SKAP2: variants seen among roughly 807,000 people sequenced by gnomAD.
SKAP2 encodes src kinase associated phosphoprotein 2.
In SKAP2, 28 loss-of-function variants were observed where a neutral mutation model predicts 54.9. That is an observed-to-expected ratio of 0.51 (90% CI 0.38 to 0.70). The LOEUF (loss-of-function observed/expected upper bound fraction) is 0.70. Among genes scored for constraint, SKAP2 ranks in the 30% least tolerant of loss-of-function variants. The pLI is 0.00. For missense variants in SKAP2, 356 were observed against 424.1 expected (o/e 0.84, Z 1.41); for synonymous variants, 137 against 134.3 (o/e 1.02, Z -0.14).
chr7:26,762,985 G>C (rs1782965555), intron 4 of SKAP2, among the ~76,000 whole-genome samples: 2 of 152,116 alleles, frequency 1.3e-5, no homozygotes, highest in South Asian at 4.1e-4. Flanking sequence ...GAACAAACTT[G>C]CTAGTCAGGC....
At chr7:26,790,286 A>C (rs1333353558) in intron 4 of SKAP2, among the ~76,000 whole-genome samples, 6 of 152,230 alleles carry the variant, frequency 3.9e-5, no homozygotes, top group African/African-American at 1.4e-4. Flanking sequence ...TTGCTGACCT[A>C]GCAGTGAACT....
intron 4 of SKAP2, among the ~76,000 whole-genome samples, chr7:26,751,492 T>C (rs1246900234): frequency 6.6e-6 from 1 of 152,190 alleles, no homozygotes; most frequent in East Asian, 1.9e-4. Flanking sequence ...GTAAATAGTA[T>C]ACCTGTTTCT....
At chr7:26,765,390 T>G (rs1030111117) in intron 4 of SKAP2, among the ~76,000 whole-genome samples, 1 of 152,156 alleles carries the variant, frequency 6.6e-6, no homozygotes, top group Non-Finnish European at 1.5e-5. Context: ...TCAGATGGAT[T>G]GCAAAAATTT....
intron 4 of SKAP2, among the ~76,000 whole-genome samples, chr7:26,789,703 T>C (rs554270832): frequency 6.6e-6 from 1 of 152,338 alleles, no homozygotes; most frequent in East Asian, 1.9e-4. Context: ...TCAGCAGGCA[T>C]GCTCCTGTAG....
intron 4 of SKAP2, among the ~76,000 whole-genome samples, chr7:26,797,724 T>C (rs1783813281): frequency 6.6e-6 from 1 of 152,090 alleles, no homozygotes; most frequent in South Asian, 2.1e-4. Context: ...TTATGTGACC[T>C]TTCAGACAGA....
intron 8 of SKAP2, 85 bp from the exon 9 acceptor site, chr7:26,725,650 A>G: frequency 1.6e-6 from 2 of 1,234,954 alleles, no homozygotes; most frequent in Non-Finnish European, 2.2e-6. Flanking sequence ...ATGCAGCCCT[A>G]CAAAGCAACA....
At chr7:26,813,814 G>A (rs1416228343) in intron 4 of SKAP2, among the ~76,000 whole-genome samples, 1 of 152,208 alleles carries the variant, frequency 6.6e-6, no homozygotes, top group Non-Finnish European at 1.5e-5. Flanking sequence ...TTTCTTCACA[G>A]AGGTTATTTT....
At chr7:26,665,240 A>G (rs2128082039), downstream of SKAP2, among the ~76,000 whole-genome samples, 1 of 152,320 alleles carries the variant, frequency 6.6e-6, no homozygotes, top group South Asian at 2.1e-4. Context: ...ACTTGCCCCA[A>G]GCTGCCCGAG....
At chr7:26,703,742 C>G (rs930181044) in intron 9 of SKAP2, among the ~76,000 whole-genome samples, 3 of 152,176 alleles carry the variant, frequency 2.0e-5, no homozygotes, top group Non-Finnish European at 4.4e-5. Context: ...AATCTGTTTA[C>G]TGTGTACTAA....
intron 4 of SKAP2, among the ~76,000 whole-genome samples, chr7:26,833,238 A>C (rs1436766079): frequency 1.1e-5 from 1 of 93,958 alleles, no homozygotes; most frequent in East Asian, 2.4e-4. Context: ...CTAAAAACAC[A>C]AAAAAAAATT....
At chr7:26,736,712 T>A (rs1009074386) in intron 6 of SKAP2, among the ~76,000 whole-genome samples, 1 of 152,140 alleles carries the variant, frequency 6.6e-6, no homozygotes, top group Non-Finnish European at 1.5e-5. Context: ...CCCCTTCCAG[T>A]AACAGAAATG....
At chr7:26,682,504 C>T (rs567232396) in intron 11 of SKAP2, among the ~76,000 whole-genome samples, 185 of 152,290 alleles carry the variant, frequency 1.2e-3, no homozygotes, top group Middle Eastern at 6.8e-3. Context: ...GAACACTGAA[C>T]CTTATTCAGC....
chr7:26,801,078 T>G (rs1042801014), intron 4 of SKAP2, among the ~76,000 whole-genome samples: 1 of 152,138 alleles, frequency 6.6e-6, no homozygotes, highest in Non-Finnish European at 1.5e-5. Context: ...GCCAATATAT[T>G]TGATGAATAA....
In SKAP2 at chr7:26,684,609, C is replaced by T. The variant is rs900307637; in HGVS notation, c.987+127G>A. 12 of 602,592 alleles carry T rather than the reference C, an allele frequency of 2.0e-5. No individual in the cohort carries two copies. The Admixed American group carries it at 3.2e-4, about 16-fold the overall frequency. The allele number at this position is 602,592 out of a possible 1,614,324, so 37.3% of individuals were successfully genotyped here. On this transcript the variant is annotated intron_variant, in intron 11 of 12. Coordinates refer to ENST00000345317, the MANE Select transcript of SKAP2 (RefSeq NM_003930.5). Reference sequence around the variant, plus strand: ...CAAAATAATTAATTATTGTGAACTCCCAATTGTTAACAAGGACCTAGAAGA... The same window carrying T: ...CAAAATAATTAATTATTGTGAACTCTCAATTGTTAACAAGGACCTAGAAGA...
At chr7:26,718,365 CTTTT>C (rs1007124891) in intron 9 of SKAP2, among the ~76,000 whole-genome samples, 3 of 151,788 alleles carry the variant, frequency 2.0e-5, no homozygotes, top group Non-Finnish European at 4.4e-5. Flanking sequence ...AAAAGGATCT[CTTTT>C]TTGTTTTAAA....
the SKAP2 span, among the ~76,000 whole-genome samples, chr7:26,661,382 G>A: frequency 6.6e-6 from 1 of 152,206 alleles, no homozygotes; most frequent in South Asian, 2.1e-4. Flanking sequence ...TTCATAGATA[G>A]ACATCTGGAA....
intron 3 of SKAP2, among the ~76,000 whole-genome samples, chr7:26,845,633 T>C (rs1200126558): frequency 1.3e-5 from 2 of 152,176 alleles, no homozygotes; most frequent in Admixed American, 1.3e-4. Context: ...ATTTCTCTTA[T>C]GAAAAGAAGA....
At chr7:26,788,980 A>C (rs76637107) in intron 4 of SKAP2, among the ~76,000 whole-genome samples, 1 of 152,288 alleles carries the variant, frequency 6.6e-6, no homozygotes, top group African/African-American at 2.4e-5. Context: ...ACAGTATAAT[A>C]CTCTGTGAGC....
At chr7:26,799,962 C>CAA (rs79221061) in intron 4 of SKAP2, among the ~76,000 whole-genome samples, 140 of 143,406 alleles carry the variant, frequency 9.8e-4, no homozygotes, top group African/African-American at 3.4e-3. Flanking sequence ...ACTAAAAATA[C>CAA]AAAAAAAAAA....
Sources: allele counts gnomAD v4.1 joint callset (sites outside exome capture counted in the v4.1 genomes callset), GRCh38; gene constraint gnomAD v4.1.1; transcripts MANE v1.5; gene names NCBI Gene and HGNC (gene_info 2026-07-23, HGNC 2026-07-21).